Variants in OOEP observed in about 807,000 individuals in gnomAD.
OOEP encodes oocyte expressed protein.
In OOEP, 16 loss-of-function variants were observed where a neutral mutation model predicts 13.7. The observed-to-expected ratio is 1.16, with a 90% CI of 0.79 to 1.77. The LOEUF is 1.77. Among genes scored for constraint, OOEP ranks in the 40% most tolerant of loss-of-function variants. The probability of loss-of-function intolerance (pLI) is 0.00; values close to 1 mark genes in which losing one functional copy is unlikely to be tolerated. For synonymous variants in OOEP, 89 were observed against 77.1 expected (o/e 1.15, Z -0.81); for missense variants, 195 against 193.1 (o/e 1.01, Z -0.06).
chr6:73,384,739 CTT>C (rs772710975), intron 2 of OOEP, among the ~76,000 whole-genome samples: 18 of 139,034 alleles, frequency 1.3e-4, no homozygotes, highest in East Asian at 2.1e-4. Context: ...ACAAACAAAC[CTT>C]TTTTTTTTTT....
At chr6:73,382,214 A>ATTT (rs70994196) in intron 2 of OOEP, among the ~76,000 whole-genome samples, 985 of 98,040 alleles carry the variant, frequency 0.01, 45 homozygotes, top group East Asian at 0.053. Flanking sequence ...CACCTGGCTA[A>ATTT]TTTTTTTTTT....
rs1768995136 is a variant in OOEP, at chr6:73,368,715, C to T, written c.*69G>A. 2.9e-6 allele frequency: 3 copies of T among 1,022,090 alleles called. No individual in the cohort carries two copies. The highest frequency in any genetic ancestry group is 3.1e-5 in the African/African-American group (2 of 63,886). 63.3% of individuals were successfully genotyped at this position (1,022,090 alleles called of 1,614,324 possible). ...AATACGGGGATTTAAGAATGCTATA[C>T]TTGCTTTTCTTCAACTTTAGCAGCA... On this transcript the variant is annotated 3_prime_UTR_variant, in exon 3 of 3. Transcript: ENST00000370359.
chr6:73,368,666 A>G lies in OOEP; in HGVS notation c.*118T>C. ...CACTCTTGCAACAAAATAAACCACA[A>G]TCCATCAAGACACAGGAAAAAGGAA... On this transcript the variant is annotated 3_prime_UTR_variant, in exon 3 of 3. Coordinates refer to ENST00000370359, the MANE Select transcript of OOEP (RefSeq NM_001080507.3). 2 of 684,544 alleles carry G rather than the reference A, an allele frequency of 2.9e-6. No homozygotes were observed. The highest frequency in any genetic ancestry group is 5.1e-6 in the Non-Finnish European group (2 of 390,140). 42.4% of individuals were successfully genotyped at this position (684,544 alleles called of 1,614,324 possible). A position where few individuals can be genotyped will look rare whatever the true frequency, so the allele number is the denominator to read the frequency against.
At position 73,392,320 on chromosome 6, in the gene OOEP, T is replaced by G. The variant is rs147138983; in HGVS notation, c.25+2026A>C. 4.6e-3 allele frequency among the ~76,000 whole-genome samples: 702 copies of G among 152,354 alleles called. 9 individuals are homozygous for G. Among genetic ancestry groups the G allele is most frequent in the African/African-American group, 0.016 (674 of 41,588 alleles). On this transcript the variant is annotated intron_variant, in intron 2 of 3. Transcript: ENST00000370363. ...ATTTAATGTTTTTTTATCTTTTTTT[T>G]GAGATGGAATTTCACTCTTGTTGCC...
At chr6:73,386,359 G>A (rs1177502029) in intron 2 of OOEP, among the ~76,000 whole-genome samples, 1 of 152,026 alleles carries the variant, frequency 6.6e-6, no homozygotes, top group African/African-American at 2.4e-5. Context: ...CTCCCAAAGT[G>A]CTGGGATTAC....
chr6:73,389,655 G>T (rs1046226621), intron 2 of OOEP, among the ~76,000 whole-genome samples: 10 of 149,462 alleles, frequency 6.7e-5, no homozygotes, highest in African/African-American at 2.5e-4. Flanking sequence ...GAGAACACAT[G>T]GACACAGGAA....
chr6:73,385,190 C>CA (rs912158862), intron 2 of OOEP, among the ~76,000 whole-genome samples: 1 of 151,118 alleles, frequency 6.6e-6, no homozygotes, highest in East Asian at 2.0e-4. Flanking sequence ...ACTAAAAATA[C>CA]AAAAAAATTA....
At chr6:73,394,712 C>A in intron 1 of OOEP, 1 of 777,332 alleles carries the variant, frequency 1.3e-6, no homozygotes. Context: ...CCGCCCACAA[C>A]GCTCACTGGC....
chr6:73,394,884 G>A, exon 1 of OOEP: 1 of 1,612,280 alleles, frequency 6.2e-7, no homozygotes, highest in Non-Finnish European at 8.5e-7. Context: ...CAACGACGTC[G>A]GACGCGCCCC....
At chr6:73,385,118 G>A (rs1562279534) in intron 2 of OOEP, among the ~76,000 whole-genome samples, 2 of 151,488 alleles carry the variant, frequency 1.3e-5, no homozygotes, top group Non-Finnish European at 2.9e-5. Flanking sequence ...AGGCCAAGGT[G>A]GGCAGATCAC....
chr6:73,372,327 C>A (rs1769069870), upstream of OOEP, among the ~76,000 whole-genome samples: 1 of 152,068 alleles, frequency 6.6e-6, no homozygotes, highest in South Asian at 2.1e-4. Flanking sequence ...CTGCCATAAA[C>A]CCCACATAAA....
At chr6:73,391,897 A>G (rs1440226735) in intron 2 of OOEP, 1 of 152,260 alleles carries the variant, frequency 6.6e-6, no homozygotes, top group Non-Finnish European at 1.5e-5. Context: ...GTCAGTGACA[A>G]GCACCTGAGG....
At chr6:73,390,920 A>AAT (rs1769339367) in intron 2 of OOEP, 1 of 151,188 alleles carries the variant, frequency 6.6e-6, no homozygotes, top group Non-Finnish European at 1.5e-5. Flanking sequence ...ATAATAATAA[A>AAT]AATAAATAAA....
chr6:73,383,310 G>A (rs541663534), intron 2 of OOEP, among the ~76,000 whole-genome samples: 39 of 152,268 alleles, frequency 2.6e-4, no homozygotes, highest in Admixed American at 2.2e-3. Flanking sequence ...CTAACAACAG[G>A]GAAAATGACC....
At position 73,369,774 on chromosome 6, in the gene OOEP, CA is replaced by C; in HGVS notation, c.18del (p.Ala7ProfsTer40). 6.2e-7 allele frequency: 1 copy of C among 1,613,550 alleles called. No homozygotes were observed. Among genetic ancestry groups the C allele is most frequent in the Non-Finnish European group, 8.5e-7 (1 of 1,179,686 alleles). Reference sequence around the variant, plus strand: ...TGTTTGCCCCGCTGGGACTCAGCGGCACCAGCATCATCGACCATACTGGGAC... The same window carrying C: ...TGTTTGCCCCGCTGGGACTCAGCGGCCCAGCATCATCGACCATACTGGGAC... Reference protein sequence around the residue: MVDDAGAAESQRGKQT... With the variant: MVDDAXAAESQRGKQT... On this transcript the variant is annotated frameshift_variant, in exon 1 of 3. Transcript: ENST00000370359. LOFTEE classifies it high-confidence loss of function.
Position 73,385,057 on chromosome 6 carries a change from C to T in OOEP, c.25+9289G>A, listed in dbSNP as rs549099904. Among the ~76,000 whole-genome samples the T allele has an allele frequency of 2.0e-5, 3 of 148,876 alleles. No homozygotes were observed. The East Asian group carries it at 6.5e-4, about 32-fold the overall frequency. On this transcript the variant is annotated intron_variant, in intron 2 of 3. Transcript: ENST00000370363. ...AGCCTCAAACCTGTCTTAAAAAAGG[C>T]AAATGGAGGCTGGGCGTGGTGGCTC...
intron 1 of OOEP, chr6:73,394,531 C>T (rs1769415621): frequency 3.4e-6 from 2 of 592,998 alleles, no homozygotes; most frequent in Non-Finnish European, 5.9e-6. Flanking sequence ...CACTGAGATG[C>T]CAGGAACCCG....
At chr6:73,391,271 T>C in intron 2 of OOEP, 1 of 152,678 alleles carries the variant, frequency 6.5e-6, no homozygotes. Flanking sequence ...TTTGGCCCTG[T>C]GTGTCTTATC....
chr6:73,369,202 T>C lies in OOEP; in HGVS notation c.370+4A>G. 1 of 1,606,038 alleles carries C rather than the reference T, an allele frequency of 6.2e-7. No individual in the cohort carries two copies. The highest frequency in any genetic ancestry group is 8.5e-7 in the Non-Finnish European group (1 of 1,176,708). ...TCCACATGCAGGTTCTCAAAGACCC[T>C]CACCTCGGGCACGATGTTCTCGGTG... On this transcript the variant is annotated splice_donor_region_variant and intron_variant, in intron 2 of 2. Coordinates refer to ENST00000370359, the MANE Select transcript of OOEP (RefSeq NM_001080507.3).
Sources: gnomAD v4.1 joint callset for allele counts (sites outside exome capture counted in the v4.1 genomes callset) on GRCh38, gnomAD v4.1.1 for gene constraint, MANE v1.5 for transcripts, NCBI Gene and HGNC (gene_info 2026-07-23, HGNC 2026-07-21) for gene names.